SULT1E1: variants seen among roughly 807,000 people sequenced by gnomAD.
The protein encoded by SULT1E1 is sulfotransferase 1E1.
A neutral mutation model predicts 33.6 loss-of-function variants in SULT1E1; 36 were observed. The observed-to-expected ratio is 1.07, with a 90% CI of 0.82 to 1.41. The LOEUF (loss-of-function observed/expected upper bound fraction) is 1.41. SULT1E1 is among the 40% of genes most tolerant of loss of function. The pLI, the probability that SULT1E1 is intolerant of heterozygous loss-of-function variation, is 0.00. For synonymous variants in SULT1E1, 121 were observed against 111.7 expected (o/e 1.08, Z -0.53); for missense variants, 371 against 345.7 (o/e 1.07, Z -0.58).
intron 4 of SULT1E1, among the ~76,000 whole-genome samples, chr4:69,853,527 T>C (rs535016641): frequency 6.6e-6 from 1 of 152,270 alleles, no homozygotes; most frequent in Admixed American, 6.5e-5. Flanking sequence ...CACTGATACA[T>C]CATTCAAATA....
At chr4:69,828,510 G>C in the SULT1E1 span, among the ~76,000 whole-genome samples, 1 of 152,126 alleles carries the variant, frequency 6.6e-6, no homozygotes, top group African/African-American at 2.4e-5. Flanking sequence ...CCACCAGAAG[G>C]AAGAAACTCT....
chr4:69,834,488 T>C, the SULT1E1 span, among the ~76,000 whole-genome samples: 4 of 152,198 alleles, frequency 2.6e-5, no homozygotes, highest in African/African-American at 9.6e-5. Flanking sequence ...GCCCACTTCT[T>C]ATATTCAGTG....
chr4:69,838,853 C>G (rs369297490), downstream of SULT1E1, among the ~76,000 whole-genome samples: 15 of 152,292 alleles, frequency 9.8e-5, no homozygotes, highest in East Asian at 1.5e-3. Context: ...TGCACTTGCC[C>G]TTTATAAGAA....
downstream of SULT1E1, among the ~76,000 whole-genome samples, chr4:69,839,575 G>A (rs1720845249): frequency 6.6e-6 from 1 of 152,104 alleles, no homozygotes; most frequent in African/African-American, 2.4e-5. Context: ...GAATTTATCT[G>A]GGCCTGAAGG....
downstream of SULT1E1, among the ~76,000 whole-genome samples, chr4:69,838,746 G>C (rs1470500253): frequency 1.3e-5 from 2 of 152,178 alleles, no homozygotes; most frequent in African/African-American, 4.8e-5. Context: ...GGACATAGAA[G>C]GTGATCTGCC....
rs1176077619 is a variant in SULT1E1, at chr4:69,857,636, A to G, written c.9T>C (p.Ser3=). The G allele has an allele frequency of 2.5e-6, 4 of 1,600,072 alleles. No individual in the cohort carries two copies. Among genetic ancestry groups the G allele is most frequent in the Non-Finnish European group, 3.4e-6 (4 of 1,175,798 alleles). Residue 3 remains serine, a synonymous_variant, in exon 2 of 8, where the codon TCT becomes TCC. Coordinates refer to ENST00000226444, the MANE Select transcript of SULT1E1 (RefSeq NM_005420.3). MN[S]ELDYYEKFEE... is the part of the protein sequence containing the mutation. ...CAAACTTTTCATAATAGTCAAGTTC[A>G]GAATTCATTGTGGTACACTGAAAAA...
intron 1 of SULT1E1, 127 bp from the exon 2 acceptor site, chr4:69,857,780 A>T: frequency 2.6e-6 from 2 of 755,210 alleles, no homozygotes; most frequent in Admixed American, 3.4e-5. Flanking sequence ...TGGGGCAAAA[A>T]CATAGTAAAG....
chr4:69,832,752 G>A, the SULT1E1 span, among the ~76,000 whole-genome samples: 1 of 152,128 alleles, frequency 6.6e-6, no homozygotes. Flanking sequence ...TTGTTACACT[G>A]CTTAGATGAA....
the SULT1E1 span, among the ~76,000 whole-genome samples, chr4:69,828,070 C>A: frequency 6.6e-6 from 1 of 152,192 alleles, no homozygotes; most frequent in Non-Finnish European, 1.5e-5. Context: ...GAGGCAAGTG[C>A]CAGCACATGT....
At chr4:69,843,795 G>C (rs543020952) in intron 7 of SULT1E1, among the ~76,000 whole-genome samples, 1 of 152,174 alleles carries the variant, frequency 6.6e-6, no homozygotes, top group Non-Finnish European at 1.5e-5. Context: ...AACTCAAAAA[G>C]AGAGAGGAAT....
chr4:69,840,521 TTGTTA>T (rs2110063819), downstream of SULT1E1, among the ~76,000 whole-genome samples: 1 of 152,364 alleles, frequency 6.6e-6, no homozygotes, highest in South Asian at 2.1e-4. Context: ...TCTTCTGTTT[TTGTTA>T]TATTTTACTG....
chr4:69,848,811 G>T (rs1294553194), intron 5 of SULT1E1, among the ~76,000 whole-genome samples: 3 of 151,706 alleles, frequency 2.0e-5, no homozygotes, highest in African/African-American at 7.3e-5. Flanking sequence ...TAGAATACTA[G>T]ACTATCCTGC....
At position 69,841,857 on chromosome 4, in the gene SULT1E1, A is replaced by AAC. The variant is rs1720892230; in HGVS notation, c.*136_*137insGT. ...CTCTGTCTCAAAAAAAAAAAAAAAA[A>AAC]GTTAAACAAAAATTTAAAAAGAAAA... On this transcript the variant is annotated 3_prime_UTR_variant, in exon 8 of 8. Coordinates refer to ENST00000226444, the MANE Select transcript of SULT1E1 (RefSeq NM_005420.3). The AAC allele has an allele frequency of 1.9e-6, 1 of 539,456 alleles. No homozygotes were observed. Among genetic ancestry groups the AAC allele is most frequent in the Non-Finnish European group, 3.1e-6 (1 of 318,846 alleles). 33.4% of individuals were successfully genotyped at this position (539,456 alleles called of 1,614,324 possible). A position where few individuals can be genotyped will look rare whatever the true frequency, so the allele number is the denominator to read the frequency against.
the SULT1E1 span, among the ~76,000 whole-genome samples, chr4:69,826,699 C>T: frequency 1.3e-5 from 2 of 152,096 alleles, no homozygotes; most frequent in Non-Finnish European, 2.9e-5. Context: ...AATATTCTCT[C>T]TCTGATGGGG....
intron 7 of SULT1E1, 64 bp from the exon 8 acceptor site, chr4:69,842,170 A>G: frequency 1.1e-6 from 1 of 928,350 alleles, no homozygotes; most frequent in East Asian, 2.5e-5. Flanking sequence ...AGGTTTGCTA[A>G]TTTCATCACT....
At chr4:69,841,200 C>T (rs549783120), downstream of SULT1E1, 3 of 152,160 alleles carry the variant, frequency 2.0e-5, no homozygotes, top group African/African-American at 7.2e-5. Context: ...AATGGAAAAT[C>T]AATCACAAAA....
chr4:69,843,615 A>G (rs1260341109), intron 7 of SULT1E1, among the ~76,000 whole-genome samples: 2 of 152,170 alleles, frequency 1.3e-5, no homozygotes, highest in East Asian at 3.9e-4. Flanking sequence ...TTAACTGGCT[A>G]TATCTCATCA....
chr4:69,857,372 C>G (rs1721263378), intron 2 of SULT1E1, 128 bp downstream of exon 2: 2 of 1,171,282 alleles, frequency 1.7e-6, no homozygotes, highest in Admixed American at 2.9e-5. Context: ...TTTTCTATGT[C>G]CATATCAAAA....
chr4:69,837,178 A>T (rs1720810393), downstream of SULT1E1, among the ~76,000 whole-genome samples: 1 of 152,018 alleles, frequency 6.6e-6, no homozygotes, highest in Non-Finnish European at 1.5e-5. Context: ...AGGTTTTCAC[A>T]AGGACTTTCC....
Sources: gnomAD v4.1 joint callset for allele counts (sites outside exome capture counted in the v4.1 genomes callset) on GRCh38, gnomAD v4.1.1 for gene constraint, MANE v1.5 for transcripts, NCBI Gene and HGNC (gene_info 2026-07-23, HGNC 2026-07-21) for gene names.